The following FRS2 variants were observed in gnomAD, a reference collection of about 807,000 sequenced individuals.
The protein encoded by FRS2 is FGFR signalling adaptor.
Under a neutral mutation model 43.9 loss-of-function variants are expected in FRS2, and 8 were observed. That is an observed-to-expected ratio of 0.18 (90% CI 0.11 to 0.33). The LOEUF (loss-of-function observed/expected upper bound fraction) is 0.33. FRS2 is among the 10% of genes least tolerant of loss of function. The pLI is 1.00. For missense variants in FRS2, 534 were observed against 627.6 expected (o/e 0.85, Z 1.59); for synonymous variants, 219 against 220.3 (o/e 0.99, Z 0.05).
intron 1 of FRS2, among the ~76,000 whole-genome samples, chr12:69,481,695 GTTCT>G (rs577804060): frequency 4.2e-4 from 64 of 152,240 alleles, no homozygotes; most frequent in African/African-American, 1.4e-3. Context: ...TTCCTCAGCA[GTTCT>G]TTGTCTTTCA....
intron 3 of FRS2, among the ~76,000 whole-genome samples, chr12:69,553,359 C>T (rs1195248371): frequency 1.3e-5 from 2 of 152,230 alleles, no homozygotes; most frequent in African/African-American, 4.8e-5. Context: ...GCATGAGCCA[C>T]TGCGCCTGGC....
intron 4 of FRS2, among the ~76,000 whole-genome samples, chr12:69,567,721 C>G (rs930951703): frequency 2.6e-5 from 4 of 152,124 alleles, no homozygotes; most frequent in Non-Finnish European, 4.4e-5. Flanking sequence ...TGAGTTGAAT[C>G]TTGAGAAAGG....
chr12:69,547,198 G>C (rs1285176931), intron 3 of FRS2, among the ~76,000 whole-genome samples: 1 of 152,176 alleles, frequency 6.6e-6, no homozygotes, highest in Admixed American at 6.5e-5. Context: ...GGTTTTGTCA[G>C]GGGATAGGGG....
At chr12:69,533,593 C>T (rs1298214292) in intron 3 of FRS2, among the ~76,000 whole-genome samples, 1 of 152,170 alleles carries the variant, frequency 6.6e-6, no homozygotes, top group Admixed American at 6.5e-5. Flanking sequence ...AGGTGATCCG[C>T]CTGCCTTGGC....
chr12:69,506,438 T>C (rs1873934544), intron 1 of FRS2, among the ~76,000 whole-genome samples: 1 of 152,150 alleles, frequency 6.6e-6, no homozygotes, highest in Non-Finnish European at 1.5e-5. Context: ...GCAAATACAG[T>C]TAGGCAGATA....
At chr12:69,544,893 A>G (rs1878237297) in intron 3 of FRS2, among the ~76,000 whole-genome samples, 4 of 152,168 alleles carry the variant, frequency 2.6e-5, no homozygotes, top group African/African-American at 7.2e-5. Context: ...TGGATATTCC[A>G]TCCAGAGCAA....
intron 1 of FRS2, among the ~76,000 whole-genome samples, chr12:69,522,308 A>AGAG (rs1361797910): frequency 4.0e-5 from 6 of 149,254 alleles, no homozygotes; most frequent in African/African-American, 1.5e-4. Context: ...CCTCCTCCTC[A>AGAG]GTTTTTTTGG....
At chr12:69,520,385 T>G (rs1166913848) in intron 1 of FRS2, among the ~76,000 whole-genome samples, 2 of 150,968 alleles carry the variant, frequency 1.3e-5, no homozygotes, top group East Asian at 1.9e-4. Flanking sequence ...AGTTTTTTTT[T>G]TTTTTTTTTT....
At chr12:69,561,155 G>A (rs2135775546) in intron 3 of FRS2, among the ~76,000 whole-genome samples, 1 of 152,214 alleles carries the variant, frequency 6.6e-6, no homozygotes, top group African/African-American at 2.4e-5. Flanking sequence ...GATAAAGCAT[G>A]GCGTATATTT....
rs1253876984 is a variant in FRS2, at chr12:69,575,938, T to C, written c.*983T>C. On this transcript the variant is annotated 3_prime_UTR_variant, in exon 9 of 9. Transcript: ENST00000549921. ...TTTAGTTTGCATTTTTGTCAAATTA[T>C]GGTTTTGAAGGTTCATTTGGAACTT... 1.3e-5 allele frequency: 2 copies of C among 152,672 alleles called. No homozygotes were observed. Among genetic ancestry groups the C allele is most frequent in the African/African-American group, 2.4e-5 (1 of 41,468 alleles). The allele number at this position is 152,672 out of a possible 1,614,324, so 9.5% of individuals were successfully genotyped here.
At position 69,575,046 on chromosome 12, in the gene FRS2, T is replaced by C. The variant is rs1198590622; in HGVS notation, c.*91T>C. 2.5e-6 allele frequency: 2 copies of C among 799,056 alleles called. No individual in the cohort carries two copies. Among genetic ancestry groups the C allele is most frequent in the East Asian group, 5.0e-5 (2 of 39,948 alleles). 49.5% of individuals were successfully genotyped at this position (799,056 alleles called of 1,614,324 possible). ...ATTTTCATTTCTAAACACTAACTCCTTTTATAGACTGATAAAATTTTTTTC... is the reference window on the plus strand; with the variant it reads ...ATTTTCATTTCTAAACACTAACTCCCTTTATAGACTGATAAAATTTTTTTC... On this transcript the variant is annotated 3_prime_UTR_variant, in exon 9 of 9. Coordinates refer to ENST00000549921, the MANE Select transcript of FRS2 (RefSeq NM_001278356.2).
chr12:69,536,101 C>CCTTTTTTTTT lies in FRS2; in HGVS notation c.-122+4045_-122+4046insCTTTTTTTTT, dbSNP rs1877251782. ...TTTTGGTTACTGTAGTATTTTCATTCTTTTTTTTTTTTTTTTTTTTTTTTT... is the reference window on the plus strand; with the variant it reads ...TTTTGGTTACTGTAGTATTTTCATTCCTTTTTTTTTTTTTTTTTTTTTTTTTTTTTTTTTT... On this transcript the variant is annotated intron_variant, in intron 3 of 8. Coordinates refer to ENST00000549921, the MANE Select transcript of FRS2 (RefSeq NM_001278356.2). 4.0e-4 allele frequency among the ~76,000 whole-genome samples: 15 copies of CCTTTTTTTTT among 37,172 alleles called. 2 individuals are homozygous for CCTTTTTTTTT. The highest frequency in any genetic ancestry group is 1.3e-3 in the African/African-American group (14 of 11,128). The allele number at this position is 37,172 out of a possible 152,430, so 24.4% of individuals were successfully genotyped here. A position where few individuals can be genotyped will look rare whatever the true frequency, so the allele number is the denominator to read the frequency against.
Position 69,470,477 on chromosome 12 carries a change from G to C in FRS2, c.-314G>C. ...GGGCTCCAGCGCGGGTCGGAGTCTGGGGGTTCGCGCCCGCCGACCCGCGCC... is the reference window on the plus strand; with the variant it reads ...GGGCTCCAGCGCGGGTCGGAGTCTGCGGGTTCGCGCCCGCCGACCCGCGCC... On this transcript the variant is annotated 5_prime_UTR_variant, in exon 1 of 9. Transcript: ENST00000549921. 1 of 398,702 alleles carries C rather than the reference G, an allele frequency of 2.5e-6. No individual in the cohort carries two copies. Among genetic ancestry groups the C allele is most frequent in the East Asian group, 3.6e-5 (1 of 28,064 alleles). The allele number at this position is 398,702 out of a possible 1,614,324, so 24.7% of individuals were successfully genotyped here. A position where few individuals can be genotyped will look rare whatever the true frequency, so the allele number is the denominator to read the frequency against.
intron 3 of FRS2, among the ~76,000 whole-genome samples, chr12:69,539,153 C>T (rs1184467261): frequency 6.6e-6 from 1 of 152,210 alleles, no homozygotes. Context: ...CAGCTCACTG[C>T]AACCTCTGCC....
intron 1 of FRS2, among the ~76,000 whole-genome samples, chr12:69,470,900 A>C (rs1270558234): frequency 1.3e-5 from 2 of 151,630 alleles, no homozygotes; most frequent in Non-Finnish European, 2.9e-5. Context: ...TGGACACCAG[A>C]CTCAATCTTG....
At chr12:69,474,810 G>A (rs2120605611) in intron 1 of FRS2, among the ~76,000 whole-genome samples, 2 of 152,262 alleles carry the variant, frequency 1.3e-5, no homozygotes, top group Middle Eastern at 3.4e-3. Flanking sequence ...TTATGTGTAT[G>A]ACATCGATTT....
chr12:69,515,198 C>G (rs1044113201), intron 1 of FRS2, among the ~76,000 whole-genome samples: 1 of 152,188 alleles, frequency 6.6e-6, no homozygotes, highest in African/African-American at 2.4e-5. Context: ...CTTTTAATGT[C>G]TTTTCTGTCC....
At chr12:69,572,436 G>T (rs1277358375) in intron 8 of FRS2, among the ~76,000 whole-genome samples, 155 bp downstream of exon 8, 2 of 152,192 alleles carry the variant, frequency 1.3e-5, no homozygotes, top group Non-Finnish European at 2.9e-5. Context: ...GCATATATTT[G>T]CTGGTTTATG....
rs1881383899 is a variant in FRS2, at chr12:69,579,063, G to A, written c.*4108G>A. ...CTGTTAATTAAAATAAAACCTTGTT[G>A]TATATGTAACAACATAATTTTCCCT... On this transcript the variant is annotated 3_prime_UTR_variant, in exon 9 of 9. Coordinates refer to ENST00000549921, the MANE Select transcript of FRS2 (RefSeq NM_001278356.2). 6.6e-6 allele frequency: 1 copy of A among 152,532 alleles called. No individual in the cohort carries two copies. The highest frequency in any genetic ancestry group is 2.4e-5 in the African/African-American group (1 of 41,410). 9.4% of individuals were successfully genotyped at this position (152,532 alleles called of 1,614,324 possible).
Sources: gnomAD v4.1 joint callset for allele counts (sites outside exome capture counted in the v4.1 genomes callset) on GRCh38, gnomAD v4.1.1 for gene constraint, MANE v1.5 for transcripts, NCBI Gene and HGNC (gene_info 2026-07-23, HGNC 2026-07-21) for gene names.